Variants in ALDH16A1 observed in about 807,000 individuals in gnomAD.
The protein encoded by ALDH16A1 is aldehyde dehydrogenase 16 family member A1.
A neutral mutation model predicts 96.1 loss-of-function variants in ALDH16A1; 88 were observed. That is an observed-to-expected ratio of 0.92 (90% CI 0.77 to 1.09). ALDH16A1 has a LOEUF of 1.09. ALDH16A1 is among the 50% of genes least tolerant of loss of function. The pLI is 0.00. For synonymous variants in ALDH16A1, 522 were observed against 496.4 expected (o/e 1.05, Z -0.69); for missense variants, 1,250 against 1,112.6 (o/e 1.12, Z -1.76).
rs541495383 is a variant in ALDH16A1 at position 49,464,586 on chromosome 19, G to A, written c.1438-46G>A. 66 of 1,612,236 alleles carry A rather than the reference G, an allele frequency of 4.1e-5. 1 individual carries two copies. The South Asian group carries it at 4.7e-4, about 12-fold the overall frequency. ...CCCCATGCCCTTGACACTCGCATCC[G>A]GCCTCGCGTGCCCCTTGCATCCTCT... is the stretch of plus-strand genomic sequence containing the variant. On this transcript the variant is annotated intron_variant, in intron 11 of 16. Coordinates refer to ENST00000293350, the MANE Select transcript of ALDH16A1 (RefSeq NM_153329.4).
chr19:49,466,374 C>T, intron 14 of ALDH16A1, 91 bp downstream of exon 14: 2 of 1,297,954 alleles, frequency 1.5e-6, no homozygotes, highest in Non-Finnish European at 2.0e-6. Flanking sequence ...GGAATTCGGG[C>T]CCAGCCCCAC....
Position 49,461,944 on chromosome 19 carries a change from G to T in ALDH16A1, c.820G>T (p.Gly274Trp). ...GTGTGCGGAGCTGGGCCTGGCGCTG[G>T]GGACGGAGTCGCTGCTGCTGCTGAC... The part of the protein sequence containing the change: ...GECAELGLAL[G>W]TESLLLLTDT... The change falls in exon 7 of 17, where the codon GGG (glycine) becomes TGG (tryptophan). Residue 274 changes from glycine to tryptophan, a missense_variant. Physicochemically the swap from Gly to Trp is radical, Grantham distance 184. Transcript: ENST00000293350. The T allele has an allele frequency of 6.4e-7, 1 of 1,572,696 alleles. No individual in the cohort carries two copies. Among genetic ancestry groups the T allele is most frequent in the East Asian group, 2.3e-5 (1 of 42,558 alleles).
intron 16 of ALDH16A1, 24 bp from the exon 17 acceptor site, chr19:49,470,282 A>T (rs1409410620): frequency 6.2e-7 from 1 of 1,611,752 alleles, no homozygotes; most frequent in South Asian, 1.1e-5. Context: ...AGAAGTGCTT[A>T]CCCCCGTCTC....
At position 49,461,872 on chromosome 19, in the gene ALDH16A1, G is replaced by C. The variant is rs1357132584; in HGVS notation, c.760-12G>C. ...AGGCTCCTCCTGCGGCTGAACTGGG[G>C]GGGGTCCCTAGGAAGGGCGTGCCCT... is the stretch of plus-strand genomic sequence containing the variant. On this transcript the variant is annotated splice_polypyrimidine_tract_variant and intron_variant, in intron 6 of 16. Coordinates refer to ENST00000293350, the MANE Select transcript of ALDH16A1 (RefSeq NM_153329.4). 1 of 1,592,048 alleles carries C rather than the reference G, an allele frequency of 6.3e-7. No individual in the cohort carries two copies. The highest frequency in any genetic ancestry group is 8.6e-7 in the Non-Finnish European group (1 of 1,169,578).
chr19:49,457,408 C>G (rs183705501), intron 1 of ALDH16A1, among the ~76,000 whole-genome samples: 1 of 151,410 alleles, frequency 6.6e-6, no homozygotes, highest in South Asian at 2.1e-4. Flanking sequence ...ATTAGCCAGG[C>G]GTGGTGGCAG....
chr19:49,462,899 A>G lies in ALDH16A1; in HGVS notation c.1098+144A>G, dbSNP rs112044849. The G allele has an allele frequency of 7.5e-3, 3,002 of 399,618 alleles. 117 individuals carry two copies. The highest frequency in any genetic ancestry group is 0.069 in the Admixed American group (1,093 of 15,840). 24.8% of individuals were successfully genotyped at this position (399,618 alleles called of 1,614,324 possible). On this transcript the variant is annotated intron_variant, in intron 8 of 16. Transcript: ENST00000293350. The stretch of plus-strand genomic sequence containing the variant: ...TGGGAGCCTGGACTCCTGGGTCTGA[A>G]GGAGGAGGGGCTGGGCCTGGACTCC...
At chr19:49,466,328 G>A (rs906550445) in intron 14 of ALDH16A1, 45 bp downstream of exon 14, 136 of 1,421,980 alleles carry the variant, frequency 9.6e-5, no homozygotes, top group Non-Finnish European at 1.1e-4. Context: ...AGGCGGGGTG[G>A]GGCTCAGACC....
Position 49,463,934 on chromosome 19 carries a change from A to G in ALDH16A1, c.1179A>G (p.Pro393=). Residue 393 remains proline (P), a synonymous_variant, in exon 9 of 17, where the codon CCA becomes CCG. Transcript: ENST00000293350. ...TLVSNLPPAS[P]CAQVEVPWPV... is the part of the protein sequence containing the mutation. ...TCTCCAACCTGCCCCCAGCCTCCCCATGTGCCCAGGTGGAGGTGAGACCCT... is the reference window on the plus strand; with the variant it reads ...TCTCCAACCTGCCCCCAGCCTCCCCGTGTGCCCAGGTGGAGGTGAGACCCT... 5 of 1,610,556 alleles carry G rather than the reference A, an allele frequency of 3.1e-6. No homozygotes were observed. The highest frequency in any genetic ancestry group is 4.2e-6 in the Non-Finnish European group (5 of 1,178,140).
rs372559607 is a variant in ALDH16A1, at chr19:49,470,288, G to A, written c.2248-18G>A. On this transcript the variant is annotated intron_variant, in intron 16 of 16. Coordinates refer to ENST00000293350, the MANE Select transcript of ALDH16A1 (RefSeq NM_153329.4). ...CAAGCCTGCAGAAGTGCTTACCCCC[G>A]TCTCTTCCTCCCCTCAGGGTTCCCA... 20 of 1,612,238 alleles carry A rather than the reference G, an allele frequency of 1.2e-5. No homozygotes were observed. The highest frequency in any genetic ancestry group is 1.6e-4 in the Middle Eastern group (1 of 6,080).
In ALDH16A1 at chr19:49,453,290, A is replaced by G. The variant is rs748019918; in HGVS notation, c.-42A>G. ...CGGACCTCAAGGTTCCCCTTAACAC[A>G]GAGCGCCCCGCAGTCTTCGCGGAAA... On this transcript the variant is annotated 5_prime_UTR_variant, in exon 1 of 17. Transcript: ENST00000293350. 1 of 1,514,194 alleles carries G rather than the reference A, an allele frequency of 6.6e-7. No individual in the cohort carries two copies. Among genetic ancestry groups the G allele is most frequent in the Non-Finnish European group, 8.9e-7 (1 of 1,127,424 alleles). The allele number at this position is 1,514,194 out of a possible 1,614,324, so 93.8% of individuals were successfully genotyped here.
chr19:49,464,057 C>T, intron 9 of ALDH16A1, 70 bp from the exon 10 acceptor site: 1 of 1,580,076 alleles, frequency 6.3e-7, no homozygotes, highest in Non-Finnish European at 8.6e-7. Flanking sequence ...GTGGGGGCTG[C>T]TGCCTGCTCT....
rs1018217141 is a variant in ALDH16A1 at position 49,462,443 on chromosome 19, C to T, written c.913-127C>T. 7.3e-6 allele frequency: 9 copies of T among 1,234,012 alleles called. No homozygotes were observed. The Admixed American group carries it at 1.6e-4, about 22-fold the overall frequency. The allele number at this position is 1,234,012 out of a possible 1,614,324, so 76.4% of individuals were successfully genotyped here. On this transcript the variant is annotated intron_variant, in intron 7 of 16. Transcript: ENST00000293350. ...AGCCACCGCATCCGGCCTCTCTGTT[C>T]TTTAGGACTCTGTTGATTTATCTGA...
At position 49,453,539 on chromosome 19, in the gene ALDH16A1, C is replaced by A. The variant is rs565622036; in HGVS notation, c.90+118C>A. On this transcript the variant is annotated intron_variant, in intron 1 of 16. Transcript: ENST00000293350. ...TCAGCCGCTCCGCCTCTCTTAGTCC[C>A]CGTGATTCCCGCCGCCCAATAGGAT... 2,601 of 960,124 alleles carry A rather than the reference C, an allele frequency of 2.7e-3. 7 individuals carry two copies. The highest frequency in any genetic ancestry group is 3.6e-3 in the Non-Finnish European group (2,400 of 659,400). The allele number at this position is 960,124 out of a possible 1,614,324, so 59.5% of individuals were successfully genotyped here.
chr19:49,468,564 C>T lies in ALDH16A1; in HGVS notation c.2122C>T (p.Gln708Ter). 3 of 1,603,650 alleles carry T rather than the reference C, an allele frequency of 1.9e-6. No homozygotes were observed. The highest frequency in any genetic ancestry group is 1.1e-5 in the South Asian group (1 of 91,038). ...ACPLLALEVC[Q>*]DMATVFPAGL... ...TCCTCTGCTGGCCCTGGAGGTCTGC[C>T]AGGTATAGCCCCCTGCCTTCCTGCC... Residue 708 changes from glutamine (Q) to a stop codon, truncating the protein, a stop_gained and splice_region_variant, in exon 15 of 17, where the codon CAG (glutamine) becomes TAG (stop). Coordinates refer to ENST00000293350, the MANE Select transcript of ALDH16A1 (RefSeq NM_153329.4). LOFTEE classifies it high-confidence loss of function. This position sits in a 1 kb window ranked among gnomAD's most constrained non-coding sequence, Gnocchi z 4.4.
In ALDH16A1 at chr19:49,462,689, C is replaced by T. The variant is rs779196855; in HGVS notation, c.1032C>T (p.Ala344=). The part of the protein sequence containing the change: ...RGLDGAVDMG[A]RGAAACDLVQ... ...TGGATGGGGCCGTGGACATGGGGGC[C>T]CGGGGGGCTGCCGCATGTGACCTGG... The change falls in exon 8 of 17, where the codon GCC becomes GCT. Residue 344 remains alanine (A), a synonymous_variant. Coordinates refer to ENST00000293350, the MANE Select transcript of ALDH16A1 (RefSeq NM_153329.4). The T allele has an allele frequency of 1.9e-6, 3 of 1,608,460 alleles. No individual in the cohort carries two copies. Among genetic ancestry groups the T allele is most frequent in the Admixed American group, 3.4e-5 (2 of 58,886 alleles).
chr19:49,464,908 T>G, intron 12 of ALDH16A1, 146 bp downstream of exon 12: 1 of 1,286,070 alleles, frequency 7.8e-7, no homozygotes, highest in Non-Finnish European at 1.1e-6. Context: ...CCTCACACTT[T>G]CCCTACCCCA....
In ALDH16A1 at chr19:49,466,232, A is replaced by G. The variant is rs2122416813; in HGVS notation, c.1887A>G (p.Arg629=). Residue 629 remains arginine (R), a synonymous_variant, in exon 14 of 17, where the codon AGA becomes AGG. Coordinates refer to ENST00000293350, the MANE Select transcript of ALDH16A1 (RefSeq NM_153329.4). ...AGGCGGAGGTGGAGCTGAGCGCAAG[A>G]CGACTTCGGGCGTGGGGGGCCCGGG... ...AAEAEVELSA[R]RLRAWGARVQ... is the part of the protein sequence containing the mutation. 6.7e-7 allele frequency: 1 copy of G among 1,501,608 alleles called. No homozygotes were observed. The highest frequency in any genetic ancestry group is 8.9e-7 in the Non-Finnish European group (1 of 1,124,752). The allele number at this position is 1,501,608 out of a possible 1,614,324, so 93.0% of individuals were successfully genotyped here.
In ALDH16A1 at chr19:49,461,896, C is replaced by T. The variant is rs1190444183; in HGVS notation, c.772C>T (p.Leu258Phe). Reference protein sequence around the residue: ...FCGAPEEGRALRRSLAGECAE... With the variant: ...FCGAPEEGRAFRRSLAGECAE... ...GGGGGGTCCCTAGGAAGGGCGTGCC[C>T]TTCGACGGAGCCTGGCGGGAGAGTG... Residue 258 changes from leucine (L) to phenylalanine (F), a missense_variant, in exon 7 of 17, where the codon CTT becomes TTT. Physicochemically the swap from Leu to Phe is conservative, Grantham distance 22. Coordinates refer to ENST00000293350, the MANE Select transcript of ALDH16A1 (RefSeq NM_153329.4). 2 of 1,584,784 alleles carry T rather than the reference C, an allele frequency of 1.3e-6. No homozygotes were observed. Among genetic ancestry groups the T allele is most frequent in the African/African-American group, 1.3e-5 (1 of 74,178 alleles).
chr19:49,462,238 G>T (rs62128067), intron 7 of ALDH16A1, among the ~76,000 whole-genome samples: 5 of 10,212 alleles, frequency 4.9e-4, no homozygotes, highest in Non-Finnish European at 1.3e-3. Flanking sequence ...GTTCAGCCTG[G>T]GAGTAGCTGC....
Sources: allele counts gnomAD v4.1 joint callset (sites outside exome capture counted in the v4.1 genomes callset), GRCh38; gene constraint gnomAD v4.1.1; non-coding constraint Gnocchi (gnomAD v3.1); transcripts MANE v1.5; gene names NCBI Gene and HGNC (gene_info 2026-07-23, HGNC 2026-07-21).